GTF2I: variants seen among roughly 807,000 people sequenced by gnomAD.
The protein encoded by GTF2I is general transcription factor II-I.
GTF2I carries 12 observed loss-of-function variants against 67.6 expected under a neutral mutation model. The observed-to-expected ratio is 0.18, with a 90% CI of 0.11 to 0.29. The LOEUF is 0.29. Among genes scored for constraint, GTF2I ranks in the 10% least tolerant of loss-of-function variants. GTF2I has a pLI of 1.00. For synonymous variants in GTF2I, 149 were observed against 197.0 expected, an observed-to-expected ratio of 0.76 and a Z score of 2.04; for missense variants, 271 against 580.1, an observed-to-expected ratio of 0.47 and a Z score of 5.47.
intron 11 of GTF2I, among the ~76,000 whole-genome samples, chr7:74,718,442 A>T (rs752596095): frequency 6.6e-6 from 1 of 152,232 alleles, no homozygotes; most frequent in Non-Finnish European, 1.5e-5. Context: ...TTGATAGGAA[A>T]GTCTCCATTG....
At chr7:74,669,856 TA>T in intron 1 of GTF2I, among the ~76,000 whole-genome samples, 1 of 152,178 alleles carries the variant, frequency 6.6e-6, no homozygotes, top group Non-Finnish European at 1.5e-5. Context: ...AGTTAAATTT[TA>T]AAACGATCTT....
intron 1 of GTF2I, among the ~76,000 whole-genome samples, chr7:74,671,200 C>T (rs1805421336): frequency 6.6e-6 from 1 of 150,780 alleles, no homozygotes; most frequent in South Asian, 2.1e-4. Context: ...GATTCTCTTG[C>T]CTCAGCCTCC....
At chr7:74,697,158 GAGGCAGAGGC>G (rs1393589186) in intron 3 of GTF2I, among the ~76,000 whole-genome samples, 3 of 152,114 alleles carry the variant, frequency 2.0e-5, no homozygotes, top group Non-Finnish European at 4.4e-5. Flanking sequence ...AGCACTTTGG[GAGGCAGAGGC>G]AGGCGGATCA....
chr7:74,667,493 T>G (rs1403846000), intron 1 of GTF2I, among the ~76,000 whole-genome samples: 2 of 152,178 alleles, frequency 1.3e-5, no homozygotes, highest in Non-Finnish European at 2.9e-5. Flanking sequence ...AACATATACT[T>G]AACACAAAAA....
intron 1 of GTF2I, among the ~76,000 whole-genome samples, chr7:74,677,160 A>C (rs1562941961): frequency 6.6e-6 from 1 of 152,226 alleles, no homozygotes; most frequent in Non-Finnish European, 1.5e-5. Context: ...GTAGTATTAC[A>C]TGATAATCTA....
At chr7:74,696,182 C>T (rs1031328950) in intron 3 of GTF2I, among the ~76,000 whole-genome samples, 1 of 151,516 alleles carries the variant, frequency 6.6e-6, no homozygotes, top group Non-Finnish European at 1.5e-5. Flanking sequence ...GGGTTTTGCC[C>T]TGTTGGCCTG....
intron 1 of GTF2I, among the ~76,000 whole-genome samples, chr7:74,658,413 G>T (rs1262531645): frequency 4.8e-5 from 7 of 145,294 alleles, no homozygotes; most frequent in East Asian, 2.0e-4. Context: ...GGCGTGCGGT[G>T]GGGGGGCGCC....
intron 1 of GTF2I, among the ~76,000 whole-genome samples, chr7:74,658,677 CCCCCG>C (rs1244449105): frequency 2.7e-5 from 4 of 150,358 alleles, no homozygotes; most frequent in Non-Finnish European, 6.0e-5. Flanking sequence ...GGAGCGCTGT[CCCCCG>C]CCCCGCCCCG....
chr7:74,662,933 G>A (rs1456875031), intron 1 of GTF2I, among the ~76,000 whole-genome samples: 1 of 152,038 alleles, frequency 6.6e-6, no homozygotes, highest in Non-Finnish European at 1.5e-5. Context: ...ACCCTTAGGC[G>A]AGTTGTACAC....
intron 1 of GTF2I, among the ~76,000 whole-genome samples, chr7:74,658,492 T>C (rs1267615523): frequency 2.0e-5 from 3 of 146,580 alleles, no homozygotes; most frequent in Non-Finnish European, 4.5e-5. Flanking sequence ...GCCGCGCTGA[T>C]TGGCCGGCTA....
At chr7:74,670,946 G>C (rs1355264759) in intron 1 of GTF2I, among the ~76,000 whole-genome samples, 1 of 152,048 alleles carries the variant, frequency 6.6e-6, no homozygotes, top group Non-Finnish European at 1.5e-5. Flanking sequence ...GTCTTAAACT[G>C]TGGTGCAAGG....
intron 8 of GTF2I, 71 bp downstream of exon 8, chr7:74,706,504 T>C: frequency 9.0e-7 from 1 of 1,111,380 alleles, no homozygotes; most frequent in Non-Finnish European, 1.4e-6. Flanking sequence ...AAGTTTATAG[T>C]TTGACTCAAT....
chr7:74,706,404 A>T lies in GTF2I; in HGVS notation c.656A>T (p.Lys219Ile), dbSNP rs1554401416. ...LSPGGSCGPI[K>I]VKTEPTEDSG... ...TCTCCTTGCAGTTGTGGCCCCATCA[A>T]AGTGAAAACTGAACCCACAGAAGAT... The change falls in exon 8 of 35, where the codon AAA becomes ATA. Residue 219 changes from lysine (K) to isoleucine (I), a missense_variant. This residue lies in a region of GTF2I where 124 missense variants were observed against 147.0 expected (regional missense o/e 0.84). Transcript: ENST00000573035. The T allele has an allele frequency of 6.2e-7, 1 of 1,613,794 alleles. No individual in the cohort carries two copies. The highest frequency in any genetic ancestry group is 1.1e-5 in the South Asian group (1 of 91,034).
Position 74,710,554 on chromosome 7 carries a change from G to A in GTF2I, c.686-478G>A, listed in dbSNP as rs587632807. On this transcript the variant is annotated intron_variant, in intron 8 of 34. Transcript: ENST00000573035. Reference sequence around the variant, plus strand: ...TGTGGGCAAAGCTTTATGCAGAAAGGTGTGCTTTGTACCCTTACACAAATC... The same window carrying A: ...TGTGGGCAAAGCTTTATGCAGAAAGATGTGCTTTGTACCCTTACACAAATC... Among the ~76,000 whole-genome samples the A allele has an allele frequency of 2.6e-5, 4 of 152,220 alleles. No individual in the cohort carries two copies. The South Asian group carries it at 8.3e-4, about 32-fold the overall frequency.
intron 7 of GTF2I, among the ~76,000 whole-genome samples, chr7:74,705,776 C>A (rs1206204873): frequency 8.5e-5 from 13 of 152,070 alleles, no homozygotes; most frequent in Non-Finnish European, 1.5e-5. Flanking sequence ...GTTGGCCAGG[C>A]TGGTCTCGAA....
intron 9 of GTF2I, among the ~76,000 whole-genome samples, chr7:74,712,565 C>G (rs1042639859): frequency 2.1e-5 from 3 of 146,154 alleles, no homozygotes; most frequent in Non-Finnish European, 4.5e-5. Context: ...TTTATATATG[C>G]CACTTCCTGA....
chr7:74,697,334 G>A (rs896854002), intron 3 of GTF2I, among the ~76,000 whole-genome samples: 4 of 152,104 alleles, frequency 2.6e-5, no homozygotes, highest in African/African-American at 9.7e-5. Context: ...GGTGGAGATT[G>A]CAGTGAGCCA....
chr7:74,724,778 G>T (rs1007318352), intron 12 of GTF2I, among the ~76,000 whole-genome samples: 3 of 151,998 alleles, frequency 2.0e-5, no homozygotes, highest in Non-Finnish European at 2.9e-5. Context: ...AAAATTAGCT[G>T]GGCGTGGTGG....
intron 8 of GTF2I, 97 bp from the exon 9 acceptor site, chr7:74,710,935 G>A: frequency 1.7e-6 from 1 of 597,836 alleles, no homozygotes; most frequent in Non-Finnish European, 3.0e-6. Flanking sequence ...AAATAAATAT[G>A]CATTGCTGTA....
Sources: gnomAD v4.1 joint callset for allele counts (sites outside exome capture counted in the v4.1 genomes callset) on GRCh38, gnomAD v4.1.1 for gene constraint, gnomAD v4.1.1 regional missense constraint, MANE v1.5 for transcripts, NCBI Gene and HGNC (gene_info 2026-07-23, HGNC 2026-07-21) for gene names.